DNAH11: variants seen among roughly 807,000 people sequenced by gnomAD.
The protein encoded by DNAH11 is dynein axonemal heavy chain 11.
Under a neutral mutation model 526.0 loss-of-function variants are expected in DNAH11, and 442 were observed. That is an observed-to-expected ratio of 0.84 (90% CI 0.78 to 0.91). The LOEUF is 0.91. Among genes scored for constraint, DNAH11 ranks in the 40% least tolerant of loss-of-function variants. The probability of loss-of-function intolerance (pLI) is 0.00; values close to 1 mark genes in which losing one functional copy is unlikely to be tolerated. For synonymous variants in DNAH11, 2,461 were observed against 1,935.9 expected (o/e 1.27, Z -7.12); for missense variants, 6,989 against 5,448.7 (o/e 1.28, Z -8.90).
chr7:21,860,873 A>T (rs778072720), intron 68 of DNAH11, among the ~76,000 whole-genome samples: 4 of 152,238 alleles, frequency 2.6e-5, no homozygotes, highest in Non-Finnish European at 5.9e-5. Flanking sequence ...ACATGGCAGC[A>T]GGCAAGACAG....
chr7:21,876,239 C>G (rs1038524658), intron 74 of DNAH11, among the ~76,000 whole-genome samples: 1 of 152,100 alleles, frequency 6.6e-6, no homozygotes. Context: ...TAAGACTGAA[C>G]TTGATGTTAA....
chr7:21,611,314 G>T (rs78365864), intron 20 of DNAH11, among the ~76,000 whole-genome samples: 6 of 152,058 alleles, frequency 3.9e-5, no homozygotes, highest in African/African-American at 1.4e-4. Context: ...CTTTGGCCCC[G>T]GACTGAGGAT....
intron 9 of DNAH11, among the ~76,000 whole-genome samples, chr7:21,585,011 C>A (rs1400292800): frequency 6.6e-6 from 1 of 151,950 alleles, no homozygotes; most frequent in Non-Finnish European, 1.5e-5. Context: ...TCAAGTCTCT[C>A]TTTTTCACAA....
chr7:21,545,270 TGG>T, intron 2 of DNAH11, 121 bp downstream of exon 2: 1 of 107,794 alleles, frequency 9.3e-6, no homozygotes, highest in Non-Finnish European at 1.4e-5. Context: ...GGGATGGGGG[TGG>T]TTAAAAAAAA....
At chr7:21,780,732 A>G (rs934606275) in intron 57 of DNAH11, among the ~76,000 whole-genome samples, 1 of 152,248 alleles carries the variant, frequency 6.6e-6, no homozygotes, top group Non-Finnish European at 1.5e-5. Flanking sequence ...TGTTTAATCC[A>G]TACCAAGACA....
At chr7:21,736,035 T>A (rs888401689) in intron 46 of DNAH11, among the ~76,000 whole-genome samples, 191 bp downstream of exon 46, 1 of 152,206 alleles carries the variant, frequency 6.6e-6, no homozygotes, top group Non-Finnish European at 1.5e-5. Flanking sequence ...GCTTTTTATG[T>A]CACTCATGGC....
intron 63 of DNAH11, among the ~76,000 whole-genome samples, chr7:21,813,120 A>G (rs1036128584): frequency 4.1e-4 from 63 of 152,182 alleles, no homozygotes; most frequent in Non-Finnish European, 1.9e-4. Flanking sequence ...GTGGGCATAC[A>G]TGGCCTTGAG....
chr7:21,895,110 C>G, intron 79 of DNAH11, 111 bp downstream of exon 79: 1 of 851,884 alleles, frequency 1.2e-6, no homozygotes. Flanking sequence ...TGACTGTTCT[C>G]AACCTGTAAC....
intron 45 of DNAH11, among the ~76,000 whole-genome samples, chr7:21,732,164 T>C (rs1010684206): frequency 1.3e-5 from 2 of 152,184 alleles, no homozygotes; most frequent in African/African-American, 4.8e-5. Context: ...AGTTTCTTTT[T>C]TCACAGCTCT....
At chr7:21,865,173 G>T (rs1284432349) in intron 70 of DNAH11, among the ~76,000 whole-genome samples, 1 of 152,042 alleles carries the variant, frequency 6.6e-6, no homozygotes, top group African/African-American at 2.4e-5. Context: ...TCTGTCAAAG[G>T]CCCTATTGTT....
intron 28 of DNAH11, among the ~76,000 whole-genome samples, chr7:21,655,073 C>CG (rs1179654592): frequency 1.3e-5 from 2 of 150,538 alleles, no homozygotes; most frequent in African/African-American, 4.9e-5. Context: ...GTTTTCCCCC[C>CG]CCACCCCCAA....
At chr7:21,558,151 G>A (rs1562658946) in intron 2 of DNAH11, among the ~76,000 whole-genome samples, 2 of 152,186 alleles carry the variant, frequency 1.3e-5, no homozygotes, top group East Asian at 1.9e-4. Context: ...TCAGAAAAAT[G>A]AAAAAATGTT....
chr7:21,816,455 C>G lies in DNAH11; in HGVS notation c.10333-12C>G, dbSNP rs1789795008. 1.3e-6 allele frequency: 2 copies of G among 1,584,356 alleles called. No homozygotes were observed. The highest frequency in any genetic ancestry group is 2.7e-5 in the African/African-American group (2 of 74,324). ...CATGACCAATTTGTTGCATTCAACT[C>G]TGATTTTAAAGGTTTCCATTCCACT... is the stretch of plus-strand genomic sequence containing the variant. On this transcript the variant is annotated splice_polypyrimidine_tract_variant and intron_variant, in intron 63 of 81. Coordinates refer to ENST00000409508, the MANE Select transcript of DNAH11 (RefSeq NM_001277115.2).
At chr7:21,689,816 C>A (rs747956460) in intron 34 of DNAH11, among the ~76,000 whole-genome samples, 1 of 152,214 alleles carries the variant, frequency 6.6e-6, no homozygotes, top group African/African-American at 2.4e-5. Flanking sequence ...TCAGCCCTCC[C>A]CTCTCAGCAA....
At chr7:21,740,070 T>C (rs929339367) in intron 48 of DNAH11, among the ~76,000 whole-genome samples, 1 of 152,160 alleles carries the variant, frequency 6.6e-6, no homozygotes, top group Non-Finnish European at 1.5e-5. Context: ...TTGACAGACA[T>C]ATAATGACAA....
chr7:21,841,063 A>G (rs1782186017), intron 65 of DNAH11, among the ~76,000 whole-genome samples: 1 of 152,084 alleles, frequency 6.6e-6, no homozygotes, highest in South Asian at 2.1e-4. Context: ...ATGCACCTGT[A>G]ATCTCAGCTA....
chr7:21,575,812 G>A (rs1399676545), intron 8 of DNAH11, among the ~76,000 whole-genome samples: 1 of 152,104 alleles, frequency 6.6e-6, no homozygotes, highest in Non-Finnish European at 1.5e-5. Context: ...TGCATTAATA[G>A]CATTTATACC....
Position 21,802,607 on chromosome 7 carries a change from C to T in DNAH11, c.10165+1332C>T, listed in dbSNP as rs146131373. ...ATAAATGGATAAATAAAATGTATATCCATATAATGTTAATAGCATTCATCT... is the reference window on the plus strand; with the variant it reads ...ATAAATGGATAAATAAAATGTATATTCATATAATGTTAATAGCATTCATCT... On this transcript the variant is annotated intron_variant, in intron 62 of 81. Transcript: ENST00000409508. Among the ~76,000 whole-genome samples, 10 of 152,104 alleles carry T rather than the reference C, an allele frequency of 6.6e-5. No individual in the cohort carries two copies. The East Asian group carries it at 1.9e-3, about 29-fold the overall frequency.
At chr7:21,757,295 A>T (rs1386662824) in intron 54 of DNAH11, among the ~76,000 whole-genome samples, 1 of 152,234 alleles carries the variant, frequency 6.6e-6, no homozygotes, top group Non-Finnish European at 1.5e-5. Flanking sequence ...TTATTTATGC[A>T]ATGGGAATGC....
Sources: gnomAD v4.1 joint callset for allele counts (sites outside exome capture counted in the v4.1 genomes callset) on GRCh38, gnomAD v4.1.1 for gene constraint, MANE v1.5 for transcripts, NCBI Gene and HGNC (gene_info 2026-07-23, HGNC 2026-07-21) for gene names.